The following LGSN variants were observed in gnomAD, a reference collection of about 807,000 sequenced individuals.
LGSN encodes lengsin.
LGSN carries 21 observed loss-of-function variants against 19.5 expected under a neutral mutation model. That is an observed-to-expected ratio of 1.07 (90% CI 0.76 to 1.55). LGSN has a LOEUF of 1.55. LGSN is among the 40% of genes most tolerant of loss of function. The pLI is 0.00. For missense variants in LGSN, 673 were observed against 608.5 expected (o/e 1.11, Z -1.12); for synonymous variants, 257 against 215.6 (o/e 1.19, Z -1.68).
chr6:63,442,364 C>A, the LGSN span, among the ~76,000 whole-genome samples: 1 of 152,176 alleles, frequency 6.6e-6, no homozygotes, highest in Non-Finnish European at 1.5e-5. Flanking sequence ...CTAGCTCGGG[C>A]AGCCTGCTTT....
At chr6:63,285,833 T>C (rs1331433282) in intron 2 of LGSN, 80 bp from the exon 3 acceptor site, 5 of 1,036,984 alleles carry the variant, frequency 4.8e-6, no homozygotes, top group Non-Finnish European at 7.3e-6. Context: ...ACTAGTGAAT[T>C]AGTCAATATT....
the LGSN span, among the ~76,000 whole-genome samples, chr6:63,465,026 CAAA>C: frequency 8.1e-6 from 1 of 123,714 alleles, no homozygotes; most frequent in African/African-American, 3.0e-5. Context: ...GATTCTGTCT[CAAA>C]AAAAAAAAAA....
At chr6:63,457,961 A>C in the LGSN span, among the ~76,000 whole-genome samples, 2 of 152,288 alleles carry the variant, frequency 1.3e-5, no homozygotes, top group Non-Finnish European at 2.9e-5. Flanking sequence ...TCTACAAGGC[A>C]CTAGGTTGGA....
chr6:63,354,028 A>C, the LGSN span, among the ~76,000 whole-genome samples: 628 of 152,312 alleles, frequency 4.1e-3, 4 homozygotes, highest in Non-Finnish European at 7.6e-3. Context: ...TGAGACCTCA[A>C]ACTATAAAAC....
chr6:63,408,312 G>C, the LGSN span, among the ~76,000 whole-genome samples: 3 of 149,932 alleles, frequency 2.0e-5, no homozygotes, highest in Non-Finnish European at 3.0e-5. Flanking sequence ...AAACAGCATG[G>C]TACTGGTACC....
the LGSN span, among the ~76,000 whole-genome samples, chr6:63,338,581 GTCTT>G: frequency 3.3e-5 from 5 of 152,128 alleles, no homozygotes; most frequent in Admixed American, 6.6e-5. Context: ...ACTTATTTGG[GTCTT>G]TCTTGTTTTC....
Position 63,280,367 on chromosome 6 carries a change from A to T in LGSN, c.1184T>A (p.Ile395Asn). Residue 395 changes from isoleucine (I) to asparagine (N), a missense_variant, in exon 4 of 4, where the codon ATC becomes AAC. Physicochemically the swap from Ile to Asn is moderately radical, Grantham distance 149. Coordinates refer to ENST00000370657, the MANE Select transcript of LGSN (RefSeq NM_016571.3). ...GGTGCCTTTCTCTCCATGACATTTG[A>T]TATTAAATATACAGCTGTTGTCATT... ...GYNDNSCIFN[I>N]KCHGEKGTRI... The T allele has an allele frequency of 6.2e-7, 1 of 1,614,200 alleles. No homozygotes were observed. Among genetic ancestry groups the T allele is most frequent in the Non-Finnish European group, 8.5e-7 (1 of 1,180,042 alleles).
chr6:63,368,806 A>C, the LGSN span, among the ~76,000 whole-genome samples: 1 of 152,204 alleles, frequency 6.6e-6, no homozygotes, highest in Non-Finnish European at 1.5e-5. Context: ...GAAGCCTGGC[A>C]CAGAGTTACT....
the LGSN span, among the ~76,000 whole-genome samples, chr6:63,480,986 T>TACATACATACATATAC: frequency 4.5e-5 from 2 of 44,114 alleles, no homozygotes; most frequent in African/African-American, 9.0e-5. Context: ...TATATATATA[T>TACATACATACATATAC]ACACACACAC....
rs929047262 is a variant in LGSN at position 63,278,846 on chromosome 6, G to A, written c.*1175C>T. 2.0e-5 allele frequency: 3 copies of A among 152,144 alleles called. No homozygotes were observed. Among genetic ancestry groups the A allele is most frequent in the African/African-American group, 7.2e-5 (3 of 41,428 alleles). The allele number at this position is 152,144 out of a possible 1,614,324, so 9.4% of individuals were successfully genotyped here. On this transcript the variant is annotated 3_prime_UTR_variant, in exon 4 of 4. Transcript: ENST00000370657. ...CTGAGTAATATGAATTTTAATAAGAGGATCTGAGCCAAATTCTAATCCTCT... is the reference window on the plus strand; with the variant it reads ...CTGAGTAATATGAATTTTAATAAGAAGATCTGAGCCAAATTCTAATCCTCT...
the LGSN span, among the ~76,000 whole-genome samples, chr6:63,503,757 A>C: frequency 6.6e-6 from 1 of 152,134 alleles, no homozygotes; most frequent in Admixed American, 6.5e-5. Context: ...TCTACTAAAA[A>C]TACAAAAAAT....
chr6:63,469,655 G>A, the LGSN span, among the ~76,000 whole-genome samples: 1 of 152,086 alleles, frequency 6.6e-6, no homozygotes, highest in Non-Finnish European at 1.5e-5. Context: ...TGATTACACA[G>A]TATTTCCTTA....
chr6:63,437,315 A>G, the LGSN span, among the ~76,000 whole-genome samples: 2 of 152,026 alleles, frequency 1.3e-5, no homozygotes, highest in Non-Finnish European at 2.9e-5. Context: ...CTCATTATTC[A>G]TGACTGAACC....
the LGSN span, among the ~76,000 whole-genome samples, chr6:63,424,538 CAT>C: frequency 1.2e-4 from 17 of 143,886 alleles, no homozygotes; most frequent in South Asian, 4.4e-4. Context: ...CACACACACA[CAT>C]ACAAAACAGT....
At chr6:63,440,385 A>G in the LGSN span, among the ~76,000 whole-genome samples, 1 of 152,294 alleles carries the variant, frequency 6.6e-6, no homozygotes, top group African/African-American at 2.4e-5. Flanking sequence ...GAAACCTGCT[A>G]TCAGGACTCT....
At chr6:63,451,006 G>A in the LGSN span, among the ~76,000 whole-genome samples, 12 of 152,054 alleles carry the variant, frequency 7.9e-5, no homozygotes, top group Admixed American at 7.2e-4. Flanking sequence ...AAAATCAAAA[G>A]GGACAGGGCA....
In LGSN at chr6:63,280,146, CT is replaced by C. The variant is rs766931122; in HGVS notation, c.1404del (p.Asp469IlefsTer4). On this transcript the variant is annotated frameshift_variant, in exon 4 of 4. Coordinates refer to ENST00000370657, the MANE Select transcript of LGSN (RefSeq NM_016571.3). LOFTEE classifies it high-confidence loss of function. ...CCTAGAGCCTGTCTCAGGCATTGATCTTCTTCCAGTGCCACAAGGGCATCTT... is the reference window on the plus strand; with the variant it reads ...CCTAGAGCCTGTCTCAGGCATTGATCTCTTCCAGTGCCACAAGGGCATCTT... ...KLEDALVALE[E>X]DQCLRQALGE... 6 of 1,614,218 alleles carry C rather than the reference CT, an allele frequency of 3.7e-6. No individual in the cohort carries two copies. The Admixed American group carries it at 8.3e-5, about 22-fold the overall frequency.
chr6:63,414,763 A>G, the LGSN span, among the ~76,000 whole-genome samples: 15 of 152,166 alleles, frequency 9.9e-5, no homozygotes, highest in African/African-American at 3.6e-4. Flanking sequence ...AAATATACAA[A>G]AATTAGCCTT....
At chr6:63,557,374 T>A in the LGSN span, among the ~76,000 whole-genome samples, 1 of 152,258 alleles carries the variant, frequency 6.6e-6, no homozygotes, top group African/African-American at 2.4e-5. Context: ...GAGACCAGCC[T>A]GGCCAACATG....
Sources: allele counts gnomAD v4.1 joint callset (sites outside exome capture counted in the v4.1 genomes callset), GRCh38; gene constraint gnomAD v4.1.1; transcripts MANE v1.5; gene names NCBI Gene and HGNC (gene_info 2026-07-23, HGNC 2026-07-21).